The following MYRF variants were observed in gnomAD, a reference collection of about 807,000 sequenced individuals.
MYRF encodes myelin gene regulatory factor.
A neutral mutation model predicts 126.3 loss-of-function variants in MYRF; 16 were observed. The ratio of observed to expected loss-of-function variants is 0.13; its 90% CI spans 0.09 to 0.19. The LOEUF is 0.19. MYRF is among the 10% of genes least tolerant of loss of function. The pLI is 1.00. For missense variants in MYRF, 1,104 were observed against 1,547.0 expected, an observed-to-expected ratio of 0.71 and a Z score of 4.80; for synonymous variants, 608 against 635.3, an observed-to-expected ratio of 0.96 and a Z score of 0.65.
chr11:61,775,011 G>A (rs2135819957), intron 8 of MYRF, among the ~76,000 whole-genome samples: 1 of 152,244 alleles, frequency 6.6e-6, no homozygotes, highest in Admixed American at 6.5e-5. Flanking sequence ...GCAAATCTGG[G>A]TCAGGGCCCT....
At position 61,783,131 on chromosome 11, in the gene MYRF, A is replaced by C. The variant is rs2066597639; in HGVS notation, c.3017-367A>C. On this transcript the variant is annotated intron_variant, in intron 22 of 26. Coordinates refer to ENST00000278836, the MANE Select transcript of MYRF (RefSeq NM_001127392.3). The surrounding 1 kb of genome is among the most constrained non-coding windows in gnomAD (Gnocchi z 4.6). Reference sequence around the variant, plus strand: ...GCCTGATTTGTGTGATGCTGTCAACACTGCTGATTTCAAGCTACCAGTGTA... The same window carrying C: ...GCCTGATTTGTGTGATGCTGTCAACCCTGCTGATTTCAAGCTACCAGTGTA... The C allele has an allele frequency of 5.2e-6, 1 of 192,438 alleles. No individual in the cohort carries two copies. The highest frequency in any genetic ancestry group is 1.1e-4 in the South Asian group (1 of 8,888). The allele number at this position is 192,438 out of a possible 1,614,324, so 11.9% of individuals were successfully genotyped here.
chr11:61,767,096 A>C (rs1206445010), intron 3 of MYRF: 1 of 456,622 alleles, frequency 2.2e-6, no homozygotes, highest in Non-Finnish European at 4.4e-6. Flanking sequence ...CCCTGGGTGC[A>C]TGGTGGCCAT....
intron 1 of MYRF, among the ~76,000 whole-genome samples, chr11:61,764,492 G>C (rs2065996822): frequency 6.6e-6 from 1 of 152,238 alleles, no homozygotes; most frequent in South Asian, 2.1e-4. Context: ...GAGTGGCTGA[G>C]CCAGGATTTG....
intron 1 of MYRF, among the ~76,000 whole-genome samples, chr11:61,760,910 C>T (rs1181768268): frequency 1.3e-5 from 2 of 152,150 alleles, no homozygotes; most frequent in African/African-American, 4.8e-5. Context: ...ACTGCTACCA[C>T]CCTGGCCCTC....
At chr11:61,784,425 G>A (rs1257752541) in intron 25 of MYRF, 40 bp downstream of exon 25, 1 of 1,545,336 alleles carries the variant, frequency 6.5e-7, no homozygotes. Flanking sequence ...CCAGGCCCGA[G>A]CTGCTTCTCT....
intron 22 of MYRF, 29 bp downstream of exon 22, chr11:61,781,853 G>C (rs1489080628): frequency 6.6e-7 from 1 of 1,505,894 alleles, no homozygotes; most frequent in Non-Finnish European, 8.8e-7. Context: ...ACACTACCCA[G>C]CCCAGCCTGG....
Position 61,757,795 on chromosome 11 carries a change from C to T in MYRF, c.46+5005C>T, listed in dbSNP as rs1379741421. 3.0e-6 allele frequency: 1 copy of T among 333,658 alleles called. No homozygotes were observed. Among genetic ancestry groups the T allele is most frequent in the East Asian group, 7.8e-5 (1 of 12,838 alleles). The allele number at this position is 333,658 out of a possible 1,614,324, so 20.7% of individuals were successfully genotyped here. A position where few individuals can be genotyped will look rare whatever the true frequency, so the allele number is the denominator to read the frequency against. On this transcript the variant is annotated intron_variant, in intron 1 of 26. Coordinates refer to ENST00000278836, the MANE Select transcript of MYRF (RefSeq NM_001127392.3). This position sits in a 1 kb window ranked among gnomAD's most constrained non-coding sequence, Gnocchi z 4.7. ...CAGTGGAAGCGTGGGTGACGGCCTC[C>T]CATTTCTGAGGGGGACTGTGAGGCA...
chr11:61,773,833 G>C, intron 7 of MYRF, 134 bp from the exon 8 acceptor site: 1 of 692,890 alleles, frequency 1.4e-6, no homozygotes, highest in Non-Finnish European at 2.4e-6. Context: ...CAGGAGTGGG[G>C]GCAGCCGCAT....
At chr11:61,766,257 A>G in intron 3 of MYRF, 36 bp downstream of exon 3, 1 of 1,563,602 alleles carries the variant, frequency 6.4e-7, no homozygotes, top group Non-Finnish European at 8.6e-7. Context: ...ATACAGCGGC[A>G]TAGGGGCAGG....
Position 61,786,130 on chromosome 11 carries a change from G to A in MYRF, c.3443G>A (p.Arg1148His), listed in dbSNP as rs2066688415. The A allele has an allele frequency of 1.9e-6, 3 of 1,614,116 alleles. No homozygotes were observed. The highest frequency in any genetic ancestry group is 2.5e-6 in the Non-Finnish European group (3 of 1,179,990). The change falls in exon 27 of 27, where the codon CGC becomes CAC. Residue 1148 changes from arginine (R) to histidine (H), a missense_variant. Coordinates refer to ENST00000278836, the MANE Select transcript of MYRF (RefSeq NM_001127392.3). This position sits in a 1 kb window ranked among gnomAD's most constrained non-coding sequence, Gnocchi z 4.5. ...PATDYHFHFY[R>H]LCD ...ACAGACTACCACTTCCACTTCTACCGCCTGTGTGACTGAGCTGCCCTCCTG... is the reference window on the plus strand; with the variant it reads ...ACAGACTACCACTTCCACTTCTACCACCTGTGTGACTGAGCTGCCCTCCTG...
chr11:61,771,069 C>T (rs896801518), intron 5 of MYRF, among the ~76,000 whole-genome samples: 1 of 152,226 alleles, frequency 6.6e-6, no homozygotes, highest in Non-Finnish European at 1.5e-5. Flanking sequence ...GGAAGCTCCC[C>T]TTCCCTGGTT....
In MYRF at chr11:61,757,976, G is replaced by A. The variant is rs572136688; in HGVS notation, c.46+5186G>A. Among the ~76,000 whole-genome samples, 27 of 152,210 alleles carry A rather than the reference G, an allele frequency of 1.8e-4. No homozygotes were observed. The highest frequency in any genetic ancestry group is 5.5e-4 in the African/African-American group (23 of 41,534). On this transcript the variant is annotated intron_variant, in intron 1 of 26. Coordinates refer to ENST00000278836, the MANE Select transcript of MYRF (RefSeq NM_001127392.3). This position sits in a 1 kb window ranked among gnomAD's most constrained non-coding sequence, Gnocchi z 4.7. ...GGGTGGCTCCAGCACGGGTGGCCAC[G>A]CCAGGTGATGTCCGTGCAGCCTCCT... is the stretch of plus-strand genomic sequence containing the variant.
At chr11:61,781,508 A>G (rs2135875890) in intron 21 of MYRF, 65 bp from the exon 22 acceptor site, 8 of 1,572,650 alleles carry the variant, frequency 5.1e-6, no homozygotes, top group Non-Finnish European at 6.0e-6. Context: ...GTGGGGCCCT[A>G]GAGACAGCTG....
In MYRF at chr11:61,771,873, C is replaced by T; in HGVS notation, c.1036C>T (p.Pro346Ser). 6.2e-7 allele frequency: 1 copy of T among 1,614,170 alleles called. No homozygotes were observed. Among genetic ancestry groups the T allele is most frequent in the Non-Finnish European group, 8.5e-7 (1 of 1,180,022 alleles). Reference sequence around the variant, plus strand: ...CAGCCTCAGTGGCTCCTACCTGGACCCCAACTACCAGTCCATCAAGTGGCA... The same window carrying T: ...CAGCCTCAGTGGCTCCTACCTGGACTCCAACTACCAGTCCATCAAGTGGCA... ...SDSLSGSYLD[P>S]NYQSIKWQPH... The change falls in exon 7 of 27, where the codon CCC becomes TCC. Residue 346 changes from proline to serine, a missense_variant. Transcript: ENST00000278836.
rs537758871 is a variant in MYRF at position 61,755,474 on chromosome 11, A to T, written c.46+2684A>T. 1.9e-6 allele frequency: 3 copies of T among 1,606,158 alleles called. No homozygotes were observed. In the East Asian group the frequency reaches 6.7e-5, roughly 36 times the overall value. ...GGGCCATGGTATAAGGGGGCTTTGG[A>T]CTCCAGAGCCAGGGCAGGCACGGGA... On this transcript the variant is annotated intron_variant, in intron 1 of 26. Transcript: ENST00000278836.
rs1440775012 is a variant in MYRF, at chr11:61,776,895, C to G, written c.1590+18C>G. On this transcript the variant is annotated intron_variant, in intron 11 of 26. Transcript: ENST00000278836. This position sits in a 1 kb window ranked among gnomAD's most constrained non-coding sequence, Gnocchi z 4.3. ...TTGTGCGGGTGAGGGCCACCTCCTC[C>G]CAGGGCGTAGACAGCCCTCCCCAGG... 1 of 1,581,050 alleles carries G rather than the reference C, an allele frequency of 6.3e-7. No individual in the cohort carries two copies. Among genetic ancestry groups the G allele is most frequent in the African/African-American group, 1.3e-5 (1 of 74,408 alleles).
In MYRF at chr11:61,776,337, T is replaced by C; in HGVS notation, c.1404T>C (p.Pro468=). ...PFNPVTVNLP[P]EQVTKVTVGR... ...TCCTCTGCAGGGTCAATCTGCCCCCTGAGCAGGTCACGAAGGTGACTGTGG... is the reference window on the plus strand; with the variant it reads ...TCCTCTGCAGGGTCAATCTGCCCCCCGAGCAGGTCACGAAGGTGACTGTGG... Residue 468 remains proline, a synonymous_variant, in exon 10 of 27, where the codon CCT becomes CCC. Coordinates refer to ENST00000278836, the MANE Select transcript of MYRF (RefSeq NM_001127392.3). The surrounding 1 kb of genome is among the most constrained non-coding windows in gnomAD (Gnocchi z 4.3). 1 of 1,612,964 alleles carries C rather than the reference T, an allele frequency of 6.2e-7. No individual in the cohort carries two copies. Among genetic ancestry groups the C allele is most frequent in the Non-Finnish European group, 8.5e-7 (1 of 1,179,702 alleles).
In MYRF at chr11:61,783,158, CTG is replaced by C. The variant is rs2066598208; in HGVS notation, c.3017-339_3017-338del. 2 of 214,220 alleles carry C rather than the reference CTG, an allele frequency of 9.3e-6. No homozygotes were observed. Among genetic ancestry groups the C allele is most frequent in the Non-Finnish European group, 1.9e-5 (2 of 105,660 alleles). The allele number at this position is 214,220 out of a possible 1,614,324, so 13.3% of individuals were successfully genotyped here. Reference sequence around the variant, plus strand: ...TGCTGATTTCAAGCTACCAGTGTAACTGATGTTTCTGAACCCAGAACTGGGAG... The same window carrying C: ...TGCTGATTTCAAGCTACCAGTGTAACATGTTTCTGAACCCAGAACTGGGAG... On this transcript the variant is annotated intron_variant, in intron 22 of 26. Coordinates refer to ENST00000278836, the MANE Select transcript of MYRF (RefSeq NM_001127392.3). The surrounding 1 kb of genome is among the most constrained non-coding windows in gnomAD (Gnocchi z 4.6).
rs1434647805 is a variant in MYRF at position 61,784,401 on chromosome 11, A to AC, written c.3300+16_3300+17insC. 1 of 1,606,668 alleles carries AC rather than the reference A, an allele frequency of 6.2e-7. No individual in the cohort carries two copies. Among genetic ancestry groups the AC allele is most frequent in the Non-Finnish European group, 8.5e-7 (1 of 1,175,050 alleles). On this transcript the variant is annotated intron_variant, in intron 25 of 26. Coordinates refer to ENST00000278836, the MANE Select transcript of MYRF (RefSeq NM_001127392.3). Reference sequence around the variant, plus strand: ...GGACACCCAGGTAGGTGGGACTGGGAAGCTGCGGGCCGGCCAGGCCCGAGC... The same window carrying AC: ...GGACACCCAGGTAGGTGGGACTGGGACAGCTGCGGGCCGGCCAGGCCCGAGC...
Sources: gnomAD v4.1 joint callset for allele counts (sites outside exome capture counted in the v4.1 genomes callset) on GRCh38, gnomAD v4.1.1 for gene constraint, Gnocchi (gnomAD v3.1) non-coding constraint, MANE v1.5 for transcripts, NCBI Gene and HGNC (gene_info 2026-07-23, HGNC 2026-07-21) for gene names.